The following ZNF266 variants were observed in gnomAD, a reference collection of about 807,000 sequenced individuals.
The protein encoded by ZNF266 is zinc finger protein 266.
Under a neutral mutation model 16.4 loss-of-function variants are expected in ZNF266, and 16 were observed. The ratio of observed to expected loss-of-function variants is 0.98; its 90% CI spans 0.66 to 1.48. The LOEUF is 1.48. Among genes scored for constraint, ZNF266 ranks in the 40% most tolerant of loss-of-function variants. The pLI, the probability that ZNF266 is intolerant of heterozygous loss-of-function variation, is 0.00. For missense variants in ZNF266, 738 were observed against 689.1 expected, an observed-to-expected ratio of 1.07 and a Z score of -0.79; for synonymous variants, 262 against 237.9, an observed-to-expected ratio of 1.10 and a Z score of -0.93.
intron 5 of ZNF266, among the ~76,000 whole-genome samples, chr19:9,430,806 C>A (rs933441830): frequency 6.6e-6 from 1 of 152,272 alleles, no homozygotes; most frequent in East Asian, 1.9e-4. Context: ...TAATCCACAA[C>A]CACGCTGGGA....
At chr19:9,415,151 C>T (rs982431710) in intron 10 of ZNF266, among the ~76,000 whole-genome samples, 2 of 152,090 alleles carry the variant, frequency 1.3e-5, no homozygotes, top group African/African-American at 2.4e-5. Flanking sequence ...AAAAACTAGC[C>T]GGGCATGGTG....
chr19:9,424,528 G>A (rs1033006181), intron 5 of ZNF266, among the ~76,000 whole-genome samples: 2 of 152,194 alleles, frequency 1.3e-5, no homozygotes, highest in African/African-American at 4.8e-5. Context: ...ATTAGTCACT[G>A]AAGAAGTAAA....
At position 9,421,874 on chromosome 19, in the gene ZNF266, C is replaced by T. The variant is rs1599486265; in HGVS notation, c.-129-1656G>A. 2.7e-5 allele frequency among the ~76,000 whole-genome samples: 4 copies of T among 150,854 alleles called. No homozygotes were observed. In the South Asian group the frequency reaches 6.3e-4, roughly 24 times the overall value. ...CTTTCTTTTTTTTTTTCTTTTGAGA[C>T]GGAGGCTCGCTCTGTCACCCAGGCT... On this transcript the variant is annotated intron_variant, in intron 5 of 10. Coordinates refer to ENST00000592904, the MANE Select transcript of ZNF266 (RefSeq NM_001370374.1).
Position 9,413,066 on chromosome 19 carries a change from T to C in ZNF266, c.*209A>G. ...TTCATACAGTTTCTCTCCAGTGAGA[T>C]TTCTGATGTGTTTGGTAAGGCTTGA... is the stretch of plus-strand genomic sequence containing the variant. On this transcript the variant is annotated 3_prime_UTR_variant, in exon 11 of 11. Transcript: ENST00000592904. 3.6e-6 allele frequency: 2 copies of C among 555,840 alleles called. No homozygotes were observed. The highest frequency in any genetic ancestry group is 3.0e-5 in the South Asian group (1 of 33,406). The allele number at this position is 555,840 out of a possible 1,614,324, so 34.4% of individuals were successfully genotyped here.
At chr19:9,432,546 G>A (rs1220503062) in intron 5 of ZNF266, among the ~76,000 whole-genome samples, 4 of 152,098 alleles carry the variant, frequency 2.6e-5, no homozygotes, top group South Asian at 2.1e-4. Flanking sequence ...GACTTTAAGC[G>A]AAATGACATA....
rs757515452 is a variant in ZNF266 at position 9,413,971 on chromosome 19, G to T, written c.1155C>A (p.His385Gln). 2 of 1,614,172 alleles carry T rather than the reference G, an allele frequency of 1.2e-6. No homozygotes were observed. Among genetic ancestry groups the T allele is most frequent in the Non-Finnish European group, 1.7e-6 (2 of 1,180,038 alleles). ...SSQLTEHLKT[H>Q]TAKDPFECKI... ...TACATTCAAAGGGATCCTTTGCAGT[G>T]TGAGTTTTTAAATGTTCAGTAAGTT... The change falls in exon 11 of 11, where the codon CAC (histidine) becomes CAA (glutamine). Residue 385 changes from histidine to glutamine, a missense_variant. By Grantham distance (24) the His-to-Gln change is conservative. Coordinates refer to ENST00000592904, the MANE Select transcript of ZNF266 (RefSeq NM_001370374.1).
intron 5 of ZNF266, among the ~76,000 whole-genome samples, chr19:9,429,715 C>T (rs576459207): frequency 8.7e-4 from 132 of 152,222 alleles, no homozygotes; most frequent in African/African-American, 3.1e-3. Flanking sequence ...TCTGCTTAGC[C>T]CCTGATCCTG....
At chr19:9,424,969 A>C (rs573100600) in intron 5 of ZNF266, among the ~76,000 whole-genome samples, 3 of 152,284 alleles carry the variant, frequency 2.0e-5, no homozygotes, top group Non-Finnish European at 4.4e-5. Flanking sequence ...GAAATATGCC[A>C]GTTAGCTGTT....
chr19:9,428,502 A>C (rs2071101922), intron 5 of ZNF266, among the ~76,000 whole-genome samples: 1 of 152,190 alleles, frequency 6.6e-6, no homozygotes, highest in East Asian at 1.9e-4. Flanking sequence ...ACTGCTGACC[A>C]TTATAAGTGA....
chr19:9,420,637 C>T (rs1351304212), intron 5 of ZNF266: 1 of 152,110 alleles, frequency 6.6e-6, no homozygotes, highest in Non-Finnish European at 1.5e-5. Flanking sequence ...GCCTATAAAT[C>T]CCAGCTACTG....
In ZNF266 at chr19:9,414,280, C is replaced by T; in HGVS notation, c.846G>A (p.Lys282=). 1 of 1,614,154 alleles carries T rather than the reference C, an allele frequency of 6.2e-7. No individual in the cohort carries two copies. The highest frequency in any genetic ancestry group is 8.5e-7 in the Non-Finnish European group (1 of 1,180,024). ...AATATCTAAATCCTTTTCCACATTC[C>T]TTACATTTGTAGGGTTTTTCTGACC... The part of the protein sequence containing the change: ...THRSEKPYKC[K]ECGKGFRYSA... The change falls in exon 11 of 11, where the codon AAG becomes AAA. Residue 282 remains lysine, a synonymous_variant. Coordinates refer to ENST00000592904, the MANE Select transcript of ZNF266 (RefSeq NM_001370374.1).
At chr19:9,425,218 A>T (rs1328111006) in intron 5 of ZNF266, among the ~76,000 whole-genome samples, 1 of 152,180 alleles carries the variant, frequency 6.6e-6, no homozygotes, top group East Asian at 1.9e-4. Flanking sequence ...GATAACGTCC[A>T]TGCACCTTAA....
At chr19:9,417,979 G>A (rs1034570804) in intron 8 of ZNF266, 71 bp from the exon 9 acceptor site, 11 of 1,432,484 alleles carry the variant, frequency 7.7e-6, no homozygotes, top group Non-Finnish European at 1.1e-5. Context: ...CACAACTCAG[G>A]AGATATAGTT....
Position 9,413,885 on chromosome 19 carries a change from G to A in ZNF266, c.1241C>T (p.Thr414Ile). The part of the protein sequence containing the change: ...SCLSDHFRIH[T>I]GIKPYKCKDC... ...CTTACATTTATAGGGTTTTATTCCA[G>A]TGTGAATTCGAAAGTGATCACTGAG... The change falls in exon 11 of 11, where the codon ACT (threonine) becomes ATT (isoleucine). Residue 414 changes from threonine to isoleucine, a missense_variant. Transcript: ENST00000592904. 1 of 1,614,194 alleles carries A rather than the reference G, an allele frequency of 6.2e-7. No homozygotes were observed. Among genetic ancestry groups the A allele is most frequent in the Non-Finnish European group, 8.5e-7 (1 of 1,180,038 alleles).
At chr19:9,428,116 T>G (rs2071036818) in intron 5 of ZNF266, among the ~76,000 whole-genome samples, 1 of 152,116 alleles carries the variant, frequency 6.6e-6, no homozygotes. Flanking sequence ...AGACTGCCCC[T>G]CCTGACTTCC....
chr19:9,419,807 A>T (rs1223761239), intron 6 of ZNF266: 1 of 151,904 alleles, frequency 6.6e-6, no homozygotes, highest in Non-Finnish European at 1.5e-5. Context: ...AGGCTGAGGC[A>T]GGAAAATCGC....
intron 5 of ZNF266, among the ~76,000 whole-genome samples, chr19:9,421,185 A>G (rs2069821984): frequency 6.6e-6 from 1 of 152,158 alleles, no homozygotes; most frequent in South Asian, 2.1e-4. Flanking sequence ...TTATCCATGA[A>G]CCAGATACAC....
chr19:9,413,407 C>T lies in ZNF266; in HGVS notation c.1719G>A (p.Ser573=), dbSNP rs764291227. The T allele has an allele frequency of 2.2e-5, 35 of 1,609,048 alleles. No individual in the cohort carries two copies. The highest frequency in any genetic ancestry group is 3.3e-5 in the South Asian group (3 of 90,250). ...TGTGAGTTCGTTCATGTAACTGAAA[C>T]GAATTGGAGTAACTGAAGGATTTCC... ...QCGKSFSYSN[S]FQLHERTHTG... Residue 573 remains serine, a synonymous_variant, in exon 11 of 11, where the codon TCG becomes TCA. Coordinates refer to ENST00000592904, the MANE Select transcript of ZNF266 (RefSeq NM_001370374.1).
intron 8 of ZNF266, among the ~76,000 whole-genome samples, chr19:9,418,185 T>A (rs2069351139): frequency 6.6e-6 from 1 of 152,214 alleles, no homozygotes; most frequent in South Asian, 2.1e-4. Context: ...GGGAAACAAC[T>A]ATACATCTCA....
Sources: allele counts gnomAD v4.1 joint callset (sites outside exome capture counted in the v4.1 genomes callset), GRCh38; gene constraint gnomAD v4.1.1; transcripts MANE v1.5; gene names NCBI Gene and HGNC (gene_info 2026-07-23, HGNC 2026-07-21).